The following PACRG variants were observed in gnomAD, a reference collection of about 807,000 sequenced individuals.
PACRG encodes the protein parkin coregulated.
In PACRG, 29 loss-of-function variants were observed where a neutral mutation model predicts 29.7. The ratio of observed to expected loss-of-function variants is 0.98; its 90% confidence interval spans 0.73 to 1.33. The LOEUF is 1.33. Ranked by LOEUF, PACRG falls within the 40% of genes most tolerant of loss-of-function variation. The pLI is 0.00. For missense variants in PACRG, 279 were observed against 316.2 expected, an observed-to-expected ratio of 0.88 and a Z score of 0.89; for synonymous variants, 116 against 118.7, an observed-to-expected ratio of 0.98 and a Z score of 0.15.
chr6:163,283,794 C>T (rs1489980257), intron 4 of PACRG, among the ~76,000 whole-genome samples: 2 of 125,746 alleles, frequency 1.6e-5, no homozygotes, highest in East Asian at 2.3e-4. Context: ...GGCGACAGAG[C>T]GAGACTCCGT....
chr6:162,755,206 G>C (rs1398806646), intron 1 of PACRG, among the ~76,000 whole-genome samples: 1 of 151,530 alleles, frequency 6.6e-6, no homozygotes, highest in African/African-American at 2.4e-5. Context: ...ATCTAACTAA[G>C]GGTTTGTCAA....
At chr6:162,906,003 A>G (rs1022444874) in intron 2 of PACRG, among the ~76,000 whole-genome samples, 25 of 152,272 alleles carry the variant, frequency 1.6e-4, no homozygotes, top group African/African-American at 5.8e-4. Context: ...TGGTTTTCCT[A>G]TCGAAGTTAG....
chr6:163,205,807 A>G (rs377205979), intron 4 of PACRG, among the ~76,000 whole-genome samples: 146 of 152,306 alleles, frequency 9.6e-4, no homozygotes, highest in African/African-American at 3.4e-3. Context: ...TTTCCAAACT[A>G]TGCATCTGAC....
At chr6:163,045,621 C>CTTTTT (rs11326242) in intron 2 of PACRG, among the ~76,000 whole-genome samples, 1 of 105,882 alleles carries the variant, frequency 9.4e-6, no homozygotes, top group African/African-American at 4.0e-5. Context: ...CTGCGCCCAG[C>CTTTTT]TTTTTTTTTT....
intron 4 of PACRG, among the ~76,000 whole-genome samples, chr6:163,159,284 ATTAT>A (rs963902384): frequency 6.7e-5 from 10 of 148,368 alleles, no homozygotes; most frequent in East Asian, 1.9e-4. Flanking sequence ...ATATTAATCT[ATTAT>A]TTATATATGT....
At chr6:163,263,425 A>G (rs570617280) in intron 4 of PACRG, among the ~76,000 whole-genome samples, 1 of 152,298 alleles carries the variant, frequency 6.6e-6, no homozygotes, top group Admixed American at 6.5e-5. Flanking sequence ...CAGCACGTAC[A>G]GAACACGCTG....
At chr6:163,007,250 T>G (rs1384356799) in intron 2 of PACRG, among the ~76,000 whole-genome samples, 1 of 152,172 alleles carries the variant, frequency 6.6e-6, no homozygotes, top group African/African-American at 2.4e-5. Flanking sequence ...CTTCTATATA[T>G]TATAGATCCT....
chr6:162,868,543 T>A (rs1268596779), intron 2 of PACRG, among the ~76,000 whole-genome samples: 8 of 152,150 alleles, frequency 5.3e-5, no homozygotes, highest in Non-Finnish European at 1.0e-4. Context: ...GGATAGGGAC[T>A]CTGTCTGAGT....
At chr6:163,166,783 C>G (rs968638925) in intron 4 of PACRG, among the ~76,000 whole-genome samples, 1 of 152,162 alleles carries the variant, frequency 6.6e-6, no homozygotes, top group African/African-American at 2.4e-5. Flanking sequence ...TTGAATTAAG[C>G]ATAGTCTACT....
chr6:163,022,342 T>G (rs1806713093), intron 2 of PACRG, among the ~76,000 whole-genome samples: 1 of 152,214 alleles, frequency 6.6e-6, no homozygotes. Context: ...AGAACATCAG[T>G]GTCTCTGGCT....
chr6:162,887,654 A>G (rs1023153138), intron 2 of PACRG, among the ~76,000 whole-genome samples: 3 of 152,204 alleles, frequency 2.0e-5, no homozygotes, highest in Admixed American at 1.3e-4. Flanking sequence ...AAGTATAACT[A>G]TTCATTTCTT....
chr6:162,756,146 T>C (rs1781900152), intron 1 of PACRG, among the ~76,000 whole-genome samples: 1 of 152,234 alleles, frequency 6.6e-6, no homozygotes, highest in African/African-American at 2.4e-5. Flanking sequence ...GTTCTGTTTA[T>C]GTCTGTTAGA....
At position 162,742,673 on chromosome 6, in the gene PACRG, C is replaced by A. The variant is rs150545959; in HGVS notation, c.156+14282C>A. 7.2e-5 allele frequency among the ~76,000 whole-genome samples: 11 copies of A among 152,072 alleles called. No individual in the cohort carries two copies. The East Asian group carries it at 2.1e-3, about 29-fold the overall frequency. On this transcript the variant is annotated intron_variant, in intron 1 of 4. Transcript: ENST00000366888. ...CTCTTGTAGTAGTTTTAATCCTTCT[C>A]TTTTTAAGGCTGAATAGTATTCCAT...
At chr6:163,286,879 T>C (rs1784420093) in intron 4 of PACRG, among the ~76,000 whole-genome samples, 1 of 152,188 alleles carries the variant, frequency 6.6e-6, no homozygotes, top group Non-Finnish European at 1.5e-5. Context: ...TGTGTACACG[T>C]GTAGATGTAT....
At chr6:162,995,566 C>G (rs575219777) in intron 2 of PACRG, among the ~76,000 whole-genome samples, 10 of 152,370 alleles carry the variant, frequency 6.6e-5, no homozygotes, top group African/African-American at 2.4e-4. Context: ...CCTTGCGCTT[C>G]CCACGTGAGG....
intron 4 of PACRG, among the ~76,000 whole-genome samples, chr6:163,183,893 A>T (rs1180688498): frequency 1.3e-5 from 2 of 152,218 alleles, no homozygotes; most frequent in East Asian, 3.9e-4. Flanking sequence ...AAAGCAATGC[A>T]ACACTGGTTT....
chr6:162,841,303 T>A (rs1360133410), intron 2 of PACRG, among the ~76,000 whole-genome samples: 1 of 148,348 alleles, frequency 6.7e-6, no homozygotes, highest in South Asian at 2.2e-4. Flanking sequence ...GAGATTCAAC[T>A]TCTTCCTGGT....
chr6:162,786,674 T>C (rs1016715420), intron 1 of PACRG, among the ~76,000 whole-genome samples: 2 of 151,948 alleles, frequency 1.3e-5, no homozygotes, highest in Non-Finnish European at 2.9e-5. Context: ...TTAACGAGTT[T>C]AGCCTAATGA....
chr6:163,123,263 A>G (rs1212613710), intron 4 of PACRG, among the ~76,000 whole-genome samples: 1 of 152,148 alleles, frequency 6.6e-6, no homozygotes, highest in Non-Finnish European at 1.5e-5. Flanking sequence ...GGTCGGCATG[A>G]TGTCCTGCAC....
Sources: gnomAD v4.1 joint callset for allele counts (sites outside exome capture counted in the v4.1 genomes callset) on GRCh38, gnomAD v4.1.1 for gene constraint, MANE v1.5 for transcripts, NCBI Gene and HGNC (gene_info 2026-07-23, HGNC 2026-07-21) for gene names.